Variants in PTGR1 observed in about 807,000 individuals in gnomAD.
PTGR1 encodes the protein 15-oxoprostaglandin 13-reductase.
A neutral mutation model predicts 37.7 loss-of-function variants in PTGR1; 23 were observed. That is an observed-to-expected ratio of 0.61 (90% CI 0.44 to 0.86). The LOEUF (loss-of-function observed/expected upper bound fraction) is 0.86, where lower values mean the gene tolerates loss of function less well. Ranked by LOEUF, PTGR1 falls within the 40% of genes least tolerant of loss-of-function variation. The probability of loss-of-function intolerance (pLI) is 0.00; values close to 1 mark genes in which losing one functional copy is unlikely to be tolerated. For missense variants in PTGR1, 351 were observed against 394.3 expected (o/e 0.89, Z 0.93); for synonymous variants, 134 against 140.0 (o/e 0.96, Z 0.30).
chr9:111,563,135 T>C lies in PTGR1; in HGVS notation c.976A>G (p.Ile326Val), dbSNP rs114774740. The C allele has an allele frequency of 3.1e-4, 499 of 1,613,876 alleles. 2 individuals carry two copies. In the East Asian group the frequency reaches 8.7e-3, roughly 28 times the overall value. The change falls in exon 10 of 10, where the codon ATA becomes GTA. Residue 326 changes from isoleucine to valine, a missense_variant. By Grantham distance (29) the Ile-to-Val change is conservative. Transcript: ENST00000407693. ...MLKGDNLGKT[I>V]VKA ...TGTCCTCTTTTTCATGCTTTCACTATTGTCTTCCCCAAATTATCTCCTTTC... is the reference window on the plus strand; with the variant it reads ...TGTCCTCTTTTTCATGCTTTCACTACTGTCTTCCCCAAATTATCTCCTTTC...
chr9:111,587,343 A>G (rs540418067), intron 4 of PTGR1, among the ~76,000 whole-genome samples: 2 of 152,342 alleles, frequency 1.3e-5, no homozygotes, highest in African/African-American at 4.8e-5. Context: ...TTAAACATAT[A>G]AAACAAAAAT....
At chr9:111,565,046 C>A (rs530535290) in intron 9 of PTGR1, among the ~76,000 whole-genome samples, 1 of 152,212 alleles carries the variant, frequency 6.6e-6, no homozygotes, top group East Asian at 1.9e-4. Context: ...ATCACATGAA[C>A]CCGGCAGGCG....
chr9:111,562,294 G>A (rs894740617), downstream of PTGR1, among the ~76,000 whole-genome samples: 27 of 82,936 alleles, frequency 3.3e-4, no homozygotes, highest in Non-Finnish European at 6.4e-4. Flanking sequence ...TTTTTTTTTT[G>A]AGATAGAGTC....
intron 8 of PTGR1, among the ~76,000 whole-genome samples, chr9:111,570,496 C>T (rs1007013870): frequency 8.6e-5 from 13 of 151,886 alleles, no homozygotes; most frequent in African/African-American, 1.7e-4. Context: ...TTGGGGGTGG[C>T]GCGGTGGCTC....
intron 5 of PTGR1, among the ~76,000 whole-genome samples, chr9:111,585,052 G>C (rs1360776418): frequency 2.0e-5 from 3 of 151,406 alleles, no homozygotes; most frequent in African/African-American, 7.3e-5. Context: ...AGTTATTTCT[G>C]CATTAAAAAA....
At chr9:111,563,356 C>A in intron 9 of PTGR1, 125 bp from the exon 10 acceptor site, 1 of 966,664 alleles carries the variant, frequency 1.0e-6, no homozygotes. Flanking sequence ...GATGGAAGTC[C>A]TGTCCTCCAT....
At chr9:111,595,608 G>A (rs1417651707) in intron 2 of PTGR1, among the ~76,000 whole-genome samples, 1 of 152,080 alleles carries the variant, frequency 6.6e-6, no homozygotes, top group African/African-American at 2.4e-5. Flanking sequence ...TTACCTACCT[G>A]TAAACACTCC....
At chr9:111,563,475 C>A in intron 9 of PTGR1, 1 of 358,708 alleles carries the variant, frequency 2.8e-6, no homozygotes, top group South Asian at 8.4e-5. Context: ...TGCGAAATGT[C>A]ATAAGGCAGT....
At chr9:111,558,592 T>C (rs1267120740), downstream of PTGR1, among the ~76,000 whole-genome samples, 1 of 152,212 alleles carries the variant, frequency 6.6e-6, no homozygotes, top group East Asian at 1.9e-4. Flanking sequence ...TCTGGTTCCT[T>C]TTAGTAGAGA....
At chr9:111,573,510 A>G (rs1037340583) in intron 8 of PTGR1, among the ~76,000 whole-genome samples, 45 of 152,154 alleles carry the variant, frequency 3.0e-4, no homozygotes, top group Non-Finnish European at 2.4e-4. Context: ...CCATTGATTT[A>G]TGGTTGCCTG....
intron 9 of PTGR1, among the ~76,000 whole-genome samples, chr9:111,555,230 C>T (rs1828086826): frequency 6.6e-6 from 1 of 152,154 alleles, no homozygotes; most frequent in Non-Finnish European, 1.5e-5. Context: ...AAAGATAATG[C>T]CTCTCATTTC....
At position 111,572,649 on chromosome 9, in the gene PTGR1, C is replaced by T. The variant is rs1039894787; in HGVS notation, c.760+2085G>A. Among the ~76,000 whole-genome samples the T allele has an allele frequency of 2.7e-5, 4 of 145,682 alleles. No homozygotes were observed. The Admixed American group carries it at 2.8e-4, about 10-fold the overall frequency. The stretch of plus-strand genomic sequence containing the variant: ...GCACATGTCTGTAGTCTCAGCTACT[C>T]GGGAGGCTGAGGTGGGAGGATCACT... On this transcript the variant is annotated intron_variant, in intron 8 of 9. Coordinates refer to ENST00000407693, the MANE Select transcript of PTGR1 (RefSeq NM_001146108.2).
chr9:111,576,640 G>A (rs1206814244), intron 7 of PTGR1: 1 of 506,004 alleles, frequency 2.0e-6, no homozygotes, highest in African/African-American at 1.9e-5. Context: ...GTTGTTTTAA[G>A]GATTTCAGAT....
At chr9:111,553,945 G>A (rs1164105235) in intron 9 of PTGR1, among the ~76,000 whole-genome samples, 4 of 152,206 alleles carry the variant, frequency 2.6e-5, no homozygotes, top group Non-Finnish European at 4.4e-5. Flanking sequence ...TAGTCATGCT[G>A]TGTGGAGCAC....
rs77217057 is a variant in PTGR1, at chr9:111,551,396, T to G, written c.880-1597A>C. ...CCAATAACTGAATCAAGTATCCAGT[T>G]TTTGTTTTTTTTTTTTTTTTTTTTT... On this transcript the variant is annotated intron_variant, in intron 9 of 9. Transcript: ENST00000538962. Among the ~76,000 whole-genome samples the G allele has an allele frequency of 8.4e-3, 1,096 of 131,164 alleles. 18 individuals carry two copies. The highest frequency in any genetic ancestry group is 0.032 in the African/African-American group (1,027 of 32,472). 86.0% of individuals were successfully genotyped at this position (131,164 alleles called of 152,430 possible).
At chr9:111,564,279 TA>T (rs1192876647) in intron 9 of PTGR1, 13 of 200,456 alleles carry the variant, frequency 6.5e-5, no homozygotes, top group Middle Eastern at 2.1e-3. Context: ...TTTAAACTTT[TA>T]TTATTATTAT....
At chr9:111,596,488 C>T (rs1028614075) in intron 2 of PTGR1, among the ~76,000 whole-genome samples, 4 of 151,896 alleles carry the variant, frequency 2.6e-5, no homozygotes, top group Non-Finnish European at 5.9e-5. Flanking sequence ...CTGTGGCTCA[C>T]GCCTGTAATC....
At chr9:111,561,152 A>AGAGGGG (rs1564608138), downstream of PTGR1, among the ~76,000 whole-genome samples, 2 of 73,698 alleles carry the variant, frequency 2.7e-5, no homozygotes, top group African/African-American at 7.3e-5. Context: ...AGAGAGGGAG[A>AGAGGGG]GAGAGAGAGA....
At chr9:111,556,424 T>A (rs1828123530) in intron 9 of PTGR1, among the ~76,000 whole-genome samples, 1 of 152,228 alleles carries the variant, frequency 6.6e-6, no homozygotes, top group Non-Finnish European at 1.5e-5. Flanking sequence ...TGTAGGGGGC[T>A]CCATCCCCAT....
Sources: allele counts gnomAD v4.1 joint callset (sites outside exome capture counted in the v4.1 genomes callset), GRCh38; gene constraint gnomAD v4.1.1; transcripts MANE v1.5; gene names NCBI Gene and HGNC (gene_info 2026-07-23, HGNC 2026-07-21).